Variants in ME1 observed in about 807,000 individuals in gnomAD.
ME1 encodes the protein NADP-dependent malic enzyme.
In ME1, 74 loss-of-function variants were observed where a neutral mutation model predicts 66.4. The observed-to-expected ratio is 1.11, with a 90% CI of 0.92 to 1.35. The LOEUF is 1.35. Among genes scored for constraint, ME1 ranks in the 40% most tolerant of loss-of-function variants. The probability of loss-of-function intolerance (pLI) is 0.00; values close to 1 mark genes in which losing one functional copy is unlikely to be tolerated. For missense variants in ME1, 750 were observed against 694.1 expected (o/e 1.08, Z -0.90); for synonymous variants, 251 against 235.6 (o/e 1.07, Z -0.60).
intron 7 of ME1, among the ~76,000 whole-genome samples, chr6:83,251,157 G>T (rs185338457): frequency 5.9e-5 from 9 of 152,206 alleles, no homozygotes; most frequent in Non-Finnish European, 4.4e-5. Flanking sequence ...CTCTGCCTTC[G>T]CAGAGCTTAA....
At chr6:83,334,087 G>A (rs1018142896) in intron 5 of ME1, among the ~76,000 whole-genome samples, 3 of 152,146 alleles carry the variant, frequency 2.0e-5, no homozygotes, top group African/African-American at 7.2e-5. Flanking sequence ...GCCAGACAGT[G>A]GGCGCAGGCC....
Position 83,237,788 on chromosome 6 carries a change from T to C in ME1, c.955A>G (p.Lys319Glu). Reference protein sequence around the residue: ...IAHLIVMALEKEGLPKEKAIK... With the variant: ...IAHLIVMALEEEGLPKEKAIK... ...GCTTTCTCTTTTGGTAAACCTTCTT[T>C]TTCCAAGGCCATCACAATCAGGTGT... is the stretch of plus-strand genomic sequence containing the variant. Residue 319 changes from lysine to glutamate, a missense_variant, in exon 9 of 14, where the codon AAA becomes GAA. Transcript: ENST00000369705. 6.2e-7 allele frequency: 1 copy of C among 1,608,760 alleles called. No individual in the cohort carries two copies. The highest frequency in any genetic ancestry group is 1.1e-5 in the South Asian group (1 of 90,010).
At position 83,411,875 on chromosome 6, in the gene ME1, T is replaced by G. The variant is rs1053089460; in HGVS notation, c.79-3974A>C. Among the ~76,000 whole-genome samples the G allele has an allele frequency of 1.9e-4, 29 of 152,304 alleles. 1 individual carries two copies. The highest frequency in any genetic ancestry group is 6.0e-4 in the African/African-American group (25 of 41,572). ...TTTTCTTTGCTTTCCCTATTCCTTA[T>G]AAAACCTTTGGACTAGATCCCTAGA... On this transcript the variant is annotated intron_variant, in intron 1 of 13. Transcript: ENST00000369705.
At chr6:83,232,646 G>C (rs892571172) in intron 9 of ME1, among the ~76,000 whole-genome samples, 1 of 152,116 alleles carries the variant, frequency 6.6e-6, no homozygotes, top group African/African-American at 2.4e-5. Flanking sequence ...TTTGGAGTTA[G>C]AATTTTTTAT....
intron 6 of ME1, among the ~76,000 whole-genome samples, chr6:83,290,368 C>T (rs1389570512): frequency 2.6e-5 from 4 of 152,110 alleles, no homozygotes; most frequent in African/African-American, 7.2e-5. Context: ...TTTATTTCTG[C>T]CTTCATTTCA....
chr6:83,332,172 C>T (rs1252238961), intron 5 of ME1, among the ~76,000 whole-genome samples: 1 of 152,038 alleles, frequency 6.6e-6, no homozygotes, highest in East Asian at 1.9e-4. Context: ...TAATTTAATA[C>T]TTAGTATTAT....
At chr6:83,247,988 G>T (rs776048777) in intron 7 of ME1, among the ~76,000 whole-genome samples, 1 of 152,144 alleles carries the variant, frequency 6.6e-6, no homozygotes, top group Non-Finnish European at 1.5e-5. Context: ...GTGGTGACCT[G>T]CTTGGGGGGC....
intron 3 of ME1, among the ~76,000 whole-genome samples, chr6:83,357,929 CTCTCTCTATATATA>C (rs1432006097): frequency 1.1e-4 from 6 of 56,328 alleles, no homozygotes; most frequent in Non-Finnish European, 2.1e-4. Flanking sequence ...CTCTCTCTCT[CTCTCTCTATATATA>C]TATATATATA....
rs773383318 is a variant in ME1, at chr6:83,346,142, C to CATAG, written c.600+27_600+30dup. 28 of 1,536,412 alleles carry CATAG rather than the reference C, an allele frequency of 1.8e-5. 1 individual carries two copies. The East Asian group carries it at 6.6e-4, about 36-fold the overall frequency. On this transcript the variant is annotated intron_variant, in intron 5 of 13. Coordinates refer to ENST00000369705, the MANE Select transcript of ME1 (RefSeq NM_002395.6). ...AGAATTGATGCCATTTTTAAAGGTA[C>CATAG]ATAGCTGCCTTATAGACGTAAATTA...
At chr6:83,303,424 T>G (rs970254048) in intron 6 of ME1, among the ~76,000 whole-genome samples, 1 of 152,184 alleles carries the variant, frequency 6.6e-6, no homozygotes, top group Non-Finnish European at 1.5e-5. Context: ...TGAACATTTT[T>G]TCTCTTGAAT....
intron 6 of ME1, among the ~76,000 whole-genome samples, chr6:83,261,680 G>A (rs1766891714): frequency 6.6e-6 from 1 of 151,958 alleles, no homozygotes; most frequent in South Asian, 2.1e-4. Flanking sequence ...GAAGTGTTGG[G>A]AGTCTGGTTT....
chr6:83,414,649 C>A (rs1017820809), intron 1 of ME1, among the ~76,000 whole-genome samples: 2 of 151,944 alleles, frequency 1.3e-5, no homozygotes, highest in Non-Finnish European at 2.9e-5. Context: ...CCTAAGAGAG[C>A]AAATGGGTTT....
At chr6:83,278,379 G>A (rs1562467275) in intron 6 of ME1, among the ~76,000 whole-genome samples, 1 of 152,180 alleles carries the variant, frequency 6.6e-6, no homozygotes, top group Non-Finnish European at 1.5e-5. Context: ...GAAGATTTGA[G>A]GAAAAGTCCC....
At chr6:83,252,318 G>T (rs1790738922) in intron 7 of ME1, among the ~76,000 whole-genome samples, 1 of 151,974 alleles carries the variant, frequency 6.6e-6, no homozygotes, top group South Asian at 2.1e-4. Flanking sequence ...GTTTGAGACA[G>T]GGCCTGGCTC....
chr6:83,244,701 T>C (rs1049661171), intron 7 of ME1, among the ~76,000 whole-genome samples: 2 of 152,072 alleles, frequency 1.3e-5, no homozygotes, highest in South Asian at 2.1e-4. Context: ...CCACAGATAT[T>C]TAGAATTTTA....
chr6:83,427,052 A>G (rs1770387405), intron 1 of ME1, among the ~76,000 whole-genome samples: 1 of 152,208 alleles, frequency 6.6e-6, no homozygotes, highest in Non-Finnish European at 1.5e-5. Context: ...TTAAAACACA[A>G]CTCATCTATA....
chr6:83,223,652 T>TCAGA, intron 12 of ME1, 108 bp downstream of exon 12: 1 of 1,072,416 alleles, frequency 9.3e-7, no homozygotes, highest in Non-Finnish European at 1.3e-6. Flanking sequence ...AGACTTTACT[T>TCAGA]CTTTCAGAGA....
intron 6 of ME1, among the ~76,000 whole-genome samples, chr6:83,288,671 G>GT (rs1767442639): frequency 6.6e-6 from 1 of 152,126 alleles, no homozygotes; most frequent in Admixed American, 6.6e-5. Context: ...ATTTAAAGCA[G>GT]TTTTTTCTAA....
chr6:83,410,366 T>C (rs1008750405), intron 1 of ME1, among the ~76,000 whole-genome samples: 1 of 152,154 alleles, frequency 6.6e-6, no homozygotes, highest in African/African-American at 2.4e-5. Flanking sequence ...ATTAGCATAT[T>C]CATTCTGATC....
Sources: allele counts gnomAD v4.1 joint callset (sites outside exome capture counted in the v4.1 genomes callset), GRCh38; gene constraint gnomAD v4.1.1; transcripts MANE v1.5; gene names NCBI Gene and HGNC (gene_info 2026-07-23, HGNC 2026-07-21).